TENT4B: variants seen among roughly 807,000 people sequenced by gnomAD.
The protein encoded by TENT4B is terminal nucleotidyltransferase 4B.
In TENT4B, 10 loss-of-function variants were observed where a neutral mutation model predicts 75.0. That is an observed-to-expected ratio of 0.13 (90% CI 0.08 to 0.23). The LOEUF (loss-of-function observed/expected upper bound fraction) is 0.23, where lower values mean the gene tolerates loss of function less well. Ranked by LOEUF, TENT4B falls within the 10% of genes least tolerant of loss-of-function variation. TENT4B has a pLI of 1.00. For missense variants in TENT4B, 579 were observed against 893.8 expected (o/e 0.65, Z 4.49); for synonymous variants, 350 against 357.7 (o/e 0.98, Z 0.24).
rs1286226127 is a variant in TENT4B at position 50,154,058 on chromosome 16, C to G, written c.437C>G (p.Pro146Arg). The change falls in exon 1 of 12, where the codon CCC (proline) becomes CGC (arginine). Residue 146 changes from proline to arginine, a missense_variant. Pro to Arg is a moderately radical substitution (Grantham distance 103). This residue lies in a region of TENT4B where 253 missense variants were observed against 270.1 expected (regional missense o/e 0.94). Coordinates refer to ENST00000561678, the MANE Select transcript of TENT4B (RefSeq NM_001365324.3). ...SSSPHPSAAVPAADPADSASG... is the reference protein window; with the variant it reads ...SSSPHPSAAVRAADPADSASG... The stretch of plus-strand genomic sequence containing the variant: ...TCCCCGCACCCTTCGGCCGCCGTCC[C>G]CGCCGCCGATCCAGCCGATTCGGCC... The G allele has an allele frequency of 6.5e-7, 1 of 1,531,248 alleles. No individual in the cohort carries two copies. The highest frequency in any genetic ancestry group is 2.0e-5 in the Admixed American group (1 of 50,210). The allele number at this position is 1,531,248 out of a possible 1,614,324, so 94.9% of individuals were successfully genotyped here. A position where few individuals can be genotyped will look rare whatever the true frequency, so the allele number is the denominator to read the frequency against.
rs377424339 is a variant in TENT4B, at chr16:50,231,886, C to CT, written c.*2564dup. On this transcript the variant is annotated 3_prime_UTR_variant, in exon 12 of 12. Coordinates refer to ENST00000561678, the MANE Select transcript of TENT4B (RefSeq NM_001365324.3). ...CATCTATTTGACTCCTATCTTATTT[C>CT]TTTTTTGAGTTTTAATACTTCCTAT... 1.0e-6 allele frequency: 1 copy of CT among 981,612 alleles called. No individual in the cohort carries two copies. Among genetic ancestry groups the CT allele is most frequent in the South Asian group, 4.7e-5 (1 of 21,192 alleles). 60.8% of individuals were successfully genotyped at this position (981,612 alleles called of 1,614,324 possible).
chr16:50,184,584 G>A (rs959723398), intron 1 of TENT4B, among the ~76,000 whole-genome samples: 5 of 152,098 alleles, frequency 3.3e-5, no homozygotes, highest in African/African-American at 7.2e-5. Flanking sequence ...GGAGAATGGC[G>A]TAAACCCGGG....
chr16:50,173,299 T>G (rs762883037), intron 1 of TENT4B, among the ~76,000 whole-genome samples: 1 of 152,168 alleles, frequency 6.6e-6, no homozygotes, highest in Non-Finnish European at 1.5e-5. Flanking sequence ...TATGAGTTTA[T>G]CTATTCACCT....
At chr16:50,152,939 G>T (rs965349917), upstream of TENT4B, 1 of 1,502,200 alleles carries the variant, frequency 6.7e-7, no homozygotes, top group East Asian at 2.7e-5. Context: ...CCTGCGGGGC[G>T]GGCGGCAACC....
chr16:50,219,855 A>C, intron 5 of TENT4B, among the ~76,000 whole-genome samples: 1 of 140,388 alleles, frequency 7.1e-6, no homozygotes, highest in South Asian at 2.2e-4. Context: ...ACCGAGTCTC[A>C]CTCTGTTACC....
chr16:50,162,611 C>T (rs920828499), intron 1 of TENT4B, among the ~76,000 whole-genome samples: 6 of 152,238 alleles, frequency 3.9e-5, no homozygotes, highest in African/African-American at 1.2e-4. Flanking sequence ...TGAACTTTCT[C>T]AATGAAAAAT....
intron 1 of TENT4B, among the ~76,000 whole-genome samples, chr16:50,168,526 C>A (rs958053078): frequency 1.3e-5 from 2 of 148,656 alleles, no homozygotes; most frequent in Non-Finnish European, 3.0e-5. Flanking sequence ...GTTGGCCAGA[C>A]TGGTCTCAAA....
chr16:50,226,221 G>A (rs1393161603), intron 10 of TENT4B, among the ~76,000 whole-genome samples: 1 of 151,278 alleles, frequency 6.6e-6, no homozygotes, highest in South Asian at 2.1e-4. Context: ...GGCTGGTCTC[G>A]AATTCCTGAC....
chr16:50,167,895 A>G (rs2038132466), intron 1 of TENT4B, among the ~76,000 whole-genome samples: 1 of 152,080 alleles, frequency 6.6e-6, no homozygotes, highest in Non-Finnish European at 1.5e-5. Context: ...GGGCTCAAGC[A>G]ATCCTCTCAT....
At chr16:50,212,963 A>G (rs972982938) in intron 2 of TENT4B, among the ~76,000 whole-genome samples, 17 of 152,150 alleles carry the variant, frequency 1.1e-4, no homozygotes, top group Admixed American at 1.3e-4. Flanking sequence ...CCAGCCAGCC[A>G]GGCAGCCATC....
At chr16:50,218,761 T>C (rs1224453717) in intron 5 of TENT4B, among the ~76,000 whole-genome samples, 2 of 152,222 alleles carry the variant, frequency 1.3e-5, no homozygotes, top group African/African-American at 2.4e-5. Context: ...TCCTTACTTC[T>C]GTTTTGAAAT....
intron 1 of TENT4B, among the ~76,000 whole-genome samples, chr16:50,159,830 A>C (rs960640690): frequency 6.6e-6 from 1 of 152,130 alleles, no homozygotes; most frequent in East Asian, 1.9e-4. Context: ...TATAATTCAT[A>C]TTTAAGAATG....
intron 1 of TENT4B, among the ~76,000 whole-genome samples, chr16:50,165,579 C>G (rs2038084657): frequency 6.6e-6 from 1 of 152,080 alleles, no homozygotes; most frequent in African/African-American, 2.4e-5. Context: ...ATTATCACTC[C>G]CCACTCCCTC....
intron 1 of TENT4B, among the ~76,000 whole-genome samples, chr16:50,164,260 C>T (rs1313843955): frequency 6.6e-6 from 1 of 152,164 alleles, no homozygotes; most frequent in East Asian, 1.9e-4. Context: ...ACCTCAGCAT[C>T]CCAAAGTATT....
At chr16:50,155,696 A>T (rs2037884755) in intron 1 of TENT4B, among the ~76,000 whole-genome samples, 1 of 152,154 alleles carries the variant, frequency 6.6e-6, no homozygotes, top group African/African-American at 2.4e-5. Flanking sequence ...CTAAGCTTCA[A>T]GGGTGCTCTC....
At chr16:50,201,253 T>C (rs1445211381) in intron 1 of TENT4B, among the ~76,000 whole-genome samples, 1 of 152,228 alleles carries the variant, frequency 6.6e-6, no homozygotes, top group Non-Finnish European at 1.5e-5. Context: ...ATACCAGCCC[T>C]GGGCTGGATG....
chr16:50,218,355 G>A (rs1015194559), intron 5 of TENT4B, among the ~76,000 whole-genome samples: 3 of 149,234 alleles, frequency 2.0e-5, no homozygotes, highest in Non-Finnish European at 3.0e-5. Context: ...TTCTTTTTTC[G>A]AGGCAGAGTC....
intron 1 of TENT4B, among the ~76,000 whole-genome samples, chr16:50,204,346 C>T (rs925335014): frequency 1.3e-5 from 2 of 152,134 alleles, no homozygotes; most frequent in African/African-American, 2.4e-5. Flanking sequence ...GATTTGGAAA[C>T]CTCTTGGCTC....
Position 50,230,549 on chromosome 16 carries a change from C to G in TENT4B, c.*1221C>G, listed in dbSNP as rs907550544. On this transcript the variant is annotated 3_prime_UTR_variant, in exon 12 of 12. Transcript: ENST00000561678. ...ACTCTATGCTTTTGGTATTGTTGATCTTTACAAATTAAATGGTCTTTGATA... is the reference window on the plus strand; with the variant it reads ...ACTCTATGCTTTTGGTATTGTTGATGTTTACAAATTAAATGGTCTTTGATA... 18 of 976,806 alleles carry G rather than the reference C, an allele frequency of 1.8e-5. No individual in the cohort carries two copies. The highest frequency in any genetic ancestry group is 2.1e-5 in the Non-Finnish European group (17 of 821,918). The allele number at this position is 976,806 out of a possible 1,614,324, so 60.5% of individuals were successfully genotyped here. A position where few individuals can be genotyped will look rare whatever the true frequency, so the allele number is the denominator to read the frequency against.
Sources: gnomAD v4.1 joint callset for allele counts (sites outside exome capture counted in the v4.1 genomes callset) on GRCh38, gnomAD v4.1.1 for gene constraint, gnomAD v4.1.1 regional missense constraint, MANE v1.5 for transcripts, NCBI Gene and HGNC (gene_info 2026-07-23, HGNC 2026-07-21) for gene names.